The following INPP5D variants were observed in gnomAD, a reference collection of about 807,000 sequenced individuals.
INPP5D encodes the protein inositol polyphosphate-5-phosphatase D.
INPP5D carries 33 observed loss-of-function variants against 122.9 expected under a neutral mutation model. The observed-to-expected ratio is 0.27, with a 90% CI of 0.20 to 0.36. The LOEUF is 0.36. Ranked by LOEUF, INPP5D falls within the 10% of genes least tolerant of loss-of-function variation. The probability of loss-of-function intolerance (pLI) is 1.00; values close to 1 mark genes in which losing one functional copy is unlikely to be tolerated. For synonymous variants in INPP5D, 584 were observed against 576.2 expected (o/e 1.01, Z -0.19); for missense variants, 1,053 against 1,412.7 (o/e 0.75, Z 4.08).
rs1284687608 is a variant in INPP5D, at chr2:233,130,465, AG to A, written c.525-42del. ...GTTCCCATTGGTGATGGTGGCTAAA[AG>A]AAACAGGCAAGCATAGTTTGTTTCT... On this transcript the variant is annotated intron_variant, in intron 4 of 26. Coordinates refer to ENST00000445964, the MANE Select transcript of INPP5D (RefSeq NM_001017915.3). The A allele has an allele frequency of 1.9e-6, 3 of 1,601,356 alleles. No individual in the cohort carries two copies. The East Asian group carries it at 6.7e-5, about 36-fold the overall frequency.
chr2:233,164,492 TG>T lies in INPP5D; in HGVS notation c.1555+69del. On this transcript the variant is annotated intron_variant, in intron 13 of 26. Transcript: ENST00000445964. This position sits in a 1 kb window ranked among gnomAD's most constrained non-coding sequence, Gnocchi z 4.3. ...CTCAACTCTCGCGACCACATCATCC[TG>T]ATCCCACCAGTAGTTCCCCGGGTTA... The T allele has an allele frequency of 6.8e-7, 1 of 1,459,898 alleles. No individual in the cohort carries two copies. The highest frequency in any genetic ancestry group is 9.1e-7 in the Non-Finnish European group (1 of 1,093,982). The allele number at this position is 1,459,898 out of a possible 1,614,324, so 90.4% of individuals were successfully genotyped here. A position where few individuals can be genotyped will look rare whatever the true frequency, so the allele number is the denominator to read the frequency against.
rs569340799 is a variant in INPP5D, at chr2:233,163,711, C to T, written c.1245C>T (p.Asn415=). ...TGTTGGGTTTTGCTGTTGAAGGTAACGCCCCCCCTCCCAAGAAGATCACGT... is the reference window on the plus strand; with the variant it reads ...TGTTGGGTTTTGCTGTTGAAGGTAATGCCCCCCCTCCCAAGAAGATCACGT... The part of the protein sequence containing the change: ...TIFIGTWNMG[N]APPPKKITSW... The change falls in exon 12 of 27, where the codon AAC becomes AAT. Residue 415 remains asparagine, a synonymous_variant. Transcript: ENST00000445964. The T allele has an allele frequency of 3.7e-6, 6 of 1,613,628 alleles. No homozygotes were observed. Among genetic ancestry groups the T allele is most frequent in the South Asian group, 2.2e-5 (2 of 91,024 alleles).
intron 9 of INPP5D, among the ~76,000 whole-genome samples, chr2:233,150,009 A>G (rs995184258): frequency 2.0e-5 from 3 of 152,202 alleles, no homozygotes; most frequent in Non-Finnish European, 2.9e-5. Flanking sequence ...AGGGGAGCTC[A>G]TAGCATCATG....
chr2:233,091,789 C>G (rs1559285683), intron 2 of INPP5D, among the ~76,000 whole-genome samples: 1 of 152,294 alleles, frequency 6.6e-6, no homozygotes, highest in East Asian at 1.9e-4. Flanking sequence ...TCTACCGCAG[C>G]AACTATCTTG....
chr2:233,094,282 G>A (rs1692070047), intron 2 of INPP5D, among the ~76,000 whole-genome samples: 1 of 151,938 alleles, frequency 6.6e-6, no homozygotes, highest in African/African-American at 2.4e-5. Context: ...GGAGGCCAAG[G>A]CAGGCAGATC....
At chr2:233,070,822 T>G (rs1206227917) in intron 1 of INPP5D, among the ~76,000 whole-genome samples, 1 of 152,220 alleles carries the variant, frequency 6.6e-6, no homozygotes, top group Non-Finnish European at 1.5e-5. Flanking sequence ...TGTGGTAATG[T>G]TGTGGGGCAG....
Position 233,189,581 on chromosome 2 carries a change from T to A in INPP5D, c.2359-269T>A, listed in dbSNP as rs1694999707. On this transcript the variant is annotated intron_variant, in intron 21 of 26. Coordinates refer to ENST00000445964, the MANE Select transcript of INPP5D (RefSeq NM_001017915.3). This position sits in a 1 kb window ranked among gnomAD's most constrained non-coding sequence, Gnocchi z 5.6. The stretch of plus-strand genomic sequence containing the variant: ...GATGGGGCCCATCTGGGGTCAGGCC[T>A]TCTTGCTGGGACCTGGGAGCCAGCT... 1.3e-5 allele frequency among the ~76,000 whole-genome samples: 2 copies of A among 152,118 alleles called. No homozygotes were observed. Among genetic ancestry groups the A allele is most frequent in the Non-Finnish European group, 2.9e-5 (2 of 68,000 alleles).
chr2:233,103,992 C>A (rs1355549175), intron 2 of INPP5D, among the ~76,000 whole-genome samples: 1 of 142,418 alleles, frequency 7.0e-6, no homozygotes, highest in Non-Finnish European at 1.5e-5. Context: ...CTGGTGTGAG[C>A]CACTGTGCCC....
intron 2 of INPP5D, among the ~76,000 whole-genome samples, chr2:233,116,599 A>AT (rs1294294390): frequency 1.0e-4 from 13 of 127,144 alleles, no homozygotes; most frequent in East Asian, 2.4e-4. Flanking sequence ...AGACCTCATA[A>AT]TTTTTTTTTT....
rs866133148 is a variant in INPP5D, at chr2:233,206,466, G to T, written c.3568-240G>T. 6.6e-6 allele frequency among the ~76,000 whole-genome samples: 1 copy of T among 152,092 alleles called. No homozygotes were observed. The highest frequency in any genetic ancestry group is 1.5e-5 in the Non-Finnish European group (1 of 68,034). ...AGCTGGAACCCAAGAATTCAAGGCT[G>T]CAGTGAGCTATGATTGCACCACTGC... is the stretch of plus-strand genomic sequence containing the variant. On this transcript the variant is annotated intron_variant, in intron 26 of 26. Coordinates refer to ENST00000445964, the MANE Select transcript of INPP5D (RefSeq NM_001017915.3). This position sits in a 1 kb window ranked among gnomAD's most constrained non-coding sequence, Gnocchi z 4.0.
intron 18 of INPP5D, among the ~76,000 whole-genome samples, chr2:233,181,544 G>A (rs1694783441): frequency 6.6e-6 from 1 of 152,114 alleles, no homozygotes; most frequent in Admixed American, 6.5e-5. Flanking sequence ...TTTCCTGCCA[G>A]GCATCTCCAA....
At chr2:233,175,411 A>G (rs1443953032) in intron 17 of INPP5D, among the ~76,000 whole-genome samples, 1 of 152,140 alleles carries the variant, frequency 6.6e-6, no homozygotes, top group East Asian at 1.9e-4. Flanking sequence ...GTCCATTTAT[A>G]TACGTTCATA....
Position 233,105,334 on chromosome 2 carries a change from C to T in INPP5D, c.199-16773C>T, listed in dbSNP as rs1373421392. 6.6e-6 allele frequency among the ~76,000 whole-genome samples: 1 copy of T among 152,186 alleles called. No homozygotes were observed. The highest frequency in any genetic ancestry group is 1.5e-5 in the Non-Finnish European group (1 of 68,022). On this transcript the variant is annotated intron_variant, in intron 2 of 26. Transcript: ENST00000445964. This position sits in a 1 kb window ranked among gnomAD's most constrained non-coding sequence, Gnocchi z 4.0. ...GCTTTGCCAGTGCCGCTCCCTTCGC[C>T]CGCCAGGGTGCTCCCTGTCTCTTTG...
At chr2:233,139,472 G>A (rs1392934166) in intron 5 of INPP5D, among the ~76,000 whole-genome samples, 4 of 40,238 alleles carry the variant, frequency 9.9e-5, no homozygotes, top group Non-Finnish European at 2.3e-4. Flanking sequence ...ACACCTGTGT[G>A]TGTGTGTGTG....
intron 2 of INPP5D, among the ~76,000 whole-genome samples, chr2:233,087,333 AT>A (rs1259904313): frequency 6.7e-6 from 1 of 148,304 alleles, no homozygotes; most frequent in African/African-American, 2.6e-5. Context: ...TTATTTATTT[AT>A]TTTTTTGAGA....
chr2:233,117,135 T>C (rs1456914801), intron 2 of INPP5D, among the ~76,000 whole-genome samples: 2 of 152,116 alleles, frequency 1.3e-5, no homozygotes, highest in African/African-American at 2.4e-5. Flanking sequence ...ATGGTTTCCT[T>C]CTCTGTTTCA....
rs201835044 is a variant in INPP5D, at chr2:233,204,361, G to A, written c.3211G>A (p.Gly1071Ser). The change falls in exon 26 of 27, where the codon GGC (glycine) becomes AGC (serine). Residue 1071 changes from glycine to serine, a missense_variant. Transcript: ENST00000445964. The part of the protein sequence containing the change: ...VLTKAQEADR[G>S]EGPGKQVPAP... ...CACCAAAGCCCAGGAGGCTGATCGCGGCGAGGGGCCCGGCAAGCAGGTGCC... is the reference window on the plus strand; with the variant it reads ...CACCAAAGCCCAGGAGGCTGATCGCAGCGAGGGGCCCGGCAAGCAGGTGCC... 3,870 of 1,610,246 alleles carry A rather than the reference G, an allele frequency of 2.4e-3. 36 individuals are homozygous for A. The highest frequency in any genetic ancestry group is 0.012 in the South Asian group (1,106 of 90,896).
chr2:233,148,104 A>G (rs1389959601), intron 9 of INPP5D, among the ~76,000 whole-genome samples: 3 of 152,360 alleles, frequency 2.0e-5, no homozygotes, highest in South Asian at 4.1e-4. Flanking sequence ...AGAACCATCA[A>G]ATCAACTCAT....
intron 1 of INPP5D, among the ~76,000 whole-genome samples, chr2:233,072,162 AG>A (rs1296689218): frequency 6.6e-6 from 1 of 152,234 alleles, no homozygotes; most frequent in Non-Finnish European, 1.5e-5. Flanking sequence ...ACTTGATAAA[AG>A]GTAATTGTTG....
Sources: allele counts gnomAD v4.1 joint callset (sites outside exome capture counted in the v4.1 genomes callset), GRCh38; gene constraint gnomAD v4.1.1; non-coding constraint Gnocchi (gnomAD v3.1); transcripts MANE v1.5; gene names NCBI Gene and HGNC (gene_info 2026-07-23, HGNC 2026-07-21).